The following WDR19 variants were observed in gnomAD, a reference collection of about 807,000 sequenced individuals.
WDR19 encodes WD repeat domain 19.
A neutral mutation model predicts 180.0 loss-of-function variants in WDR19; 121 were observed. The observed-to-expected ratio is 0.67, with a 90% CI of 0.58 to 0.78. The LOEUF is 0.78. Ranked by LOEUF, WDR19 falls within the 30% of genes least tolerant of loss-of-function variation. WDR19 has a pLI of 0.00. For missense variants in WDR19, 1,450 were observed against 1,640.7 expected, an observed-to-expected ratio of 0.88 and a Z score of 2.01; for synonymous variants, 497 against 540.7, an observed-to-expected ratio of 0.92 and a Z score of 1.12.
chr4:39,193,908 G>A lies in WDR19; in HGVS notation c.291-636G>A, dbSNP rs574091064. 8.5e-5 allele frequency among the ~76,000 whole-genome samples: 13 copies of A among 152,302 alleles called. No homozygotes were observed. The South Asian group carries it at 2.7e-3, about 32-fold the overall frequency. Reference sequence around the variant, plus strand: ...GCTGCTGGTTCTGATTTCAAATTTTGAGAACCACTGTTCTTGACTCATTGT... The same window carrying A: ...GCTGCTGGTTCTGATTTCAAATTTTAAGAACCACTGTTCTTGACTCATTGT... On this transcript the variant is annotated intron_variant, in intron 4 of 36. Coordinates refer to ENST00000399820, the MANE Select transcript of WDR19 (RefSeq NM_025132.4).
intron 5 of WDR19, among the ~76,000 whole-genome samples, chr4:39,199,028 G>A (rs1454613294): frequency 2.0e-5 from 3 of 151,918 alleles, no homozygotes; most frequent in Admixed American, 6.6e-5. Flanking sequence ...TTAGCTGGGT[G>A]TGGTGGCATG....
intron 1 of WDR19, among the ~76,000 whole-genome samples, chr4:39,184,173 G>C (rs1335572516): frequency 6.6e-6 from 1 of 152,080 alleles, no homozygotes; most frequent in Non-Finnish European, 1.5e-5. Flanking sequence ...TTGGGACGCC[G>C]AGGCAGGTGG....
At chr4:39,227,783 T>C (rs1364653517) in intron 15 of WDR19, among the ~76,000 whole-genome samples, 1 of 152,206 alleles carries the variant, frequency 6.6e-6, no homozygotes, top group Non-Finnish European at 1.5e-5. Flanking sequence ...GTATCCCTAG[T>C]GTAATTTACT....
In WDR19 at chr4:39,258,029, T is replaced by C. The variant is rs534813204; in HGVS notation, c.3183+475T>C. Among the ~76,000 whole-genome samples the C allele has an allele frequency of 1.1e-4, 17 of 152,046 alleles. 1 individual carries two copies. In the East Asian group the frequency reaches 2.3e-3, roughly 21 times the overall value. On this transcript the variant is annotated intron_variant, in intron 28 of 36. Transcript: ENST00000399820. Reference sequence around the variant, plus strand: ...ACCACAATTCTGACTTATATTCTTATAGATTTGTTTTGCCTGTGTATAAAC... The same window carrying C: ...ACCACAATTCTGACTTATATTCTTACAGATTTGTTTTGCCTGTGTATAAAC...
chr4:39,185,895 T>G, intron 2 of WDR19, 78 bp downstream of exon 2: 1 of 1,093,118 alleles, frequency 9.1e-7, no homozygotes, highest in Non-Finnish European at 1.2e-6. Flanking sequence ...AAGTTTTTTT[T>G]GTTGTTGTTT....
At chr4:39,277,505 A>C (rs1326995769) in intron 34 of WDR19, among the ~76,000 whole-genome samples, 1 of 152,224 alleles carries the variant, frequency 6.6e-6, no homozygotes, top group Non-Finnish European at 1.5e-5. Flanking sequence ...TTTTATTATA[A>C]TATTGAGACC....
chr4:39,272,640 C>T (rs1346216387), intron 31 of WDR19, among the ~76,000 whole-genome samples: 1 of 152,226 alleles, frequency 6.6e-6, no homozygotes, highest in Non-Finnish European at 1.5e-5. Flanking sequence ...CTCTCTCTAC[C>T]TGATTCCTGA....
At chr4:39,253,108 A>C (rs748989442) in intron 24 of WDR19, 38 bp from the exon 25 acceptor site, 31 of 1,533,546 alleles carry the variant, frequency 2.0e-5, no homozygotes, top group Non-Finnish European at 7.9e-6. Context: ...CCAAATTGAC[A>C]GTGTTAAAAA....
chr4:39,184,735 C>CCGCACAGACTAAGTCCT, intron 1 of WDR19, among the ~76,000 whole-genome samples: 1 of 152,086 alleles, frequency 6.6e-6, no homozygotes, highest in Admixed American at 6.5e-5. Context: ...GACTAAGTCC[C>CCGCACAGACTAAGTCCT]GTGTAACAGT....
At chr4:39,227,624 C>A (rs1730412318) in intron 15 of WDR19, among the ~76,000 whole-genome samples, 1 of 152,106 alleles carries the variant, frequency 6.6e-6, no homozygotes, top group South Asian at 2.1e-4. Flanking sequence ...ATAGTTTATA[C>A]ACATATTACA....
rs1225086394 is a variant in WDR19, at chr4:39,272,986, G to A, written c.3490G>A (p.Val1164Ile). 6.3e-7 allele frequency: 1 copy of A among 1,598,074 alleles called. No individual in the cohort carries two copies. The highest frequency in any genetic ancestry group is 1.1e-5 in the South Asian group (1 of 87,470). ...AATATGTCATTTGTTTCAGATTCAT[G>A]TTAAAAATGGAGATCACATGAAAGG... ...LHSYILVKIHVKNGDHMKGAR... is the reference protein window; with the variant it reads ...LHSYILVKIHIKNGDHMKGAR... Residue 1164 changes from valine to isoleucine, a missense_variant, in exon 32 of 37, where the codon GTT (valine) becomes ATT (isoleucine). Physicochemically the swap from Val to Ile is conservative, Grantham distance 29 (BLOSUM62 3). Transcript: ENST00000399820.
At chr4:39,270,139 G>A in intron 31 of WDR19, 39 bp downstream of exon 31, 1 of 1,607,452 alleles carries the variant, frequency 6.2e-7, no homozygotes, top group South Asian at 1.1e-5. Context: ...AACCTGCCAG[G>A]TGTTTGTCCC....
chr4:39,242,145 G>A (rs1577970157), intron 21 of WDR19, among the ~76,000 whole-genome samples: 3 of 152,006 alleles, frequency 2.0e-5, no homozygotes, highest in African/African-American at 4.8e-5. Flanking sequence ...GCTCACTGCA[G>A]CCTCAAACTC....
intron 14 of WDR19, 196 bp downstream of exon 14, chr4:39,218,301 A>G: frequency 1.4e-6 from 1 of 702,568 alleles, no homozygotes; most frequent in South Asian, 2.1e-5. Context: ...GTCATTGGGC[A>G]ATTTCATCAT....
chr4:39,261,528 G>C (rs950085287), intron 28 of WDR19, among the ~76,000 whole-genome samples: 6 of 152,224 alleles, frequency 3.9e-5, no homozygotes, highest in African/African-American at 1.4e-4. Context: ...GGTAGTTCAA[G>C]TGTCCATTGC....
At position 39,272,866 on chromosome 4, in the gene WDR19, G is replaced by C; in HGVS notation, c.3484-114G>C. On this transcript the variant is annotated intron_variant, in intron 31 of 36. Transcript: ENST00000399820. ...TGGCATCAGCCAGGAAAGTCTACAAGGATCCCACAGTGACCCTGGGCCATC... is the reference window on the plus strand; with the variant it reads ...TGGCATCAGCCAGGAAAGTCTACAACGATCCCACAGTGACCCTGGGCCATC... The C allele has an allele frequency of 4.9e-6, 4 of 822,130 alleles. 1 individual carries two copies. The highest frequency in any genetic ancestry group is 7.5e-6 in the Non-Finnish European group (4 of 533,954). 50.9% of individuals were successfully genotyped at this position (822,130 alleles called of 1,614,324 possible). A position where few individuals can be genotyped will look rare whatever the true frequency, so the allele number is the denominator to read the frequency against.
At chr4:39,216,889 A>C (rs1729123988) in intron 12 of WDR19, among the ~76,000 whole-genome samples, 1 of 152,212 alleles carries the variant, frequency 6.6e-6, no homozygotes, top group Non-Finnish European at 1.5e-5. Context: ...ATATAATTTT[A>C]TTTTCTATTA....
intron 9 of WDR19, among the ~76,000 whole-genome samples, chr4:39,208,788 C>T (rs1047328017): frequency 2.6e-5 from 4 of 152,112 alleles, no homozygotes; most frequent in Non-Finnish European, 1.5e-5. Context: ...GTATTAGGTA[C>T]TGTAAGTGAC....
At chr4:39,183,607 G>A (rs1725205630) in intron 1 of WDR19, among the ~76,000 whole-genome samples, 1 of 152,096 alleles carries the variant, frequency 6.6e-6, no homozygotes, top group Non-Finnish European at 1.5e-5. Flanking sequence ...GGCTATTAGT[G>A]TGGAAATTGG....
Sources: allele counts gnomAD v4.1 joint callset (sites outside exome capture counted in the v4.1 genomes callset), GRCh38; gene constraint gnomAD v4.1.1; transcripts MANE v1.5; gene names NCBI Gene and HGNC (gene_info 2026-07-23, HGNC 2026-07-21).